Variants in SUPT3H observed in about 807,000 individuals in gnomAD.
The protein encoded by SUPT3H is transcription initiation protein SPT3 homolog.
Under a neutral mutation model 44.3 loss-of-function variants are expected in SUPT3H, and 44 were observed. The ratio of observed to expected loss-of-function variants is 0.99; its 90% confidence interval spans 0.78 to 1.28. The LOEUF (loss-of-function observed/expected upper bound fraction) is 1.28, where lower values mean the gene tolerates loss of function less well. Among genes scored for constraint, SUPT3H ranks in the 50% most tolerant of loss-of-function variants. The probability of loss-of-function intolerance (pLI) is 0.00; values close to 1 mark genes in which losing one functional copy is unlikely to be tolerated. For missense variants in SUPT3H, 380 were observed against 387.1 expected (o/e 0.98, Z 0.15); for synonymous variants, 124 against 125.6 (o/e 0.99, Z 0.09).
intron 10 of SUPT3H, among the ~76,000 whole-genome samples, chr6:44,864,750 A>G (rs564632411): frequency 6.6e-6 from 1 of 152,184 alleles, no homozygotes; most frequent in African/African-American, 2.4e-5. Context: ...CCAGCCCACA[A>G]AAAAAACACT....
rs560483819 is a variant in SUPT3H, at chr6:45,219,953, C to T, written c.102-113947G>A. ...ATTTGGGAGGCTGACGCAGGAGAAT[C>T]GCTTGAACCTGGGAGGCAGAGGTTT... is the stretch of plus-strand genomic sequence containing the variant. On this transcript the variant is annotated intron_variant, in intron 2 of 10. Coordinates refer to ENST00000371459, the MANE Select transcript of SUPT3H (RefSeq NM_003599.4). 3.2e-4 allele frequency among the ~76,000 whole-genome samples: 45 copies of T among 142,700 alleles called. No individual in the cohort carries two copies. The South Asian group carries it at 4.0e-3, about 13-fold the overall frequency. 93.6% of individuals were successfully genotyped at this position (142,700 alleles called of 152,430 possible).
chr6:45,353,112 T>C (rs116618716), intron 2 of SUPT3H, among the ~76,000 whole-genome samples: 3,088 of 152,212 alleles, frequency 0.02, 43 homozygotes, highest in Non-Finnish European at 0.032. Context: ...TTCTCTCCAG[T>C]GTTGTTTCAA....
Position 45,197,256 on chromosome 6 carries a change from GA to G in SUPT3H, c.102-91251del, listed in dbSNP as rs559139379. On this transcript the variant is annotated intron_variant, in intron 2 of 10. Coordinates refer to ENST00000371459, the MANE Select transcript of SUPT3H (RefSeq NM_003599.4). Reference sequence around the variant, plus strand: ...GAACAAATAATCAAGTAAATGGAGAGAAAATGTCACTTGATCATTTCAGATT... The same window carrying G: ...GAACAAATAATCAAGTAAATGGAGAGAAATGTCACTTGATCATTTCAGATT... Among the ~76,000 whole-genome samples, 1,372 of 151,664 alleles carry G rather than the reference GA, an allele frequency of 9.0e-3. 15 individuals carry two copies. Among genetic ancestry groups the G allele is most frequent in the South Asian group, 0.028 (136 of 4,822 alleles).
chr6:45,372,509 T>A (rs1362750663), intron 1 of SUPT3H, among the ~76,000 whole-genome samples: 1 of 152,226 alleles, frequency 6.6e-6, no homozygotes, highest in Non-Finnish European at 1.5e-5. Context: ...AGCATTTAAA[T>A]CAGCAAAAGT....
chr6:44,816,136 G>GA (rs1766896634), intron 11 of SUPT3H, among the ~76,000 whole-genome samples: 1 of 152,026 alleles, frequency 6.6e-6, no homozygotes, highest in African/African-American at 2.4e-5. Flanking sequence ...GAGTCAAAGA[G>GA]AAAATCAGAA....
At chr6:45,337,777 ATT>A (rs1204239473) in intron 2 of SUPT3H, among the ~76,000 whole-genome samples, 1 of 151,962 alleles carries the variant, frequency 6.6e-6, no homozygotes, top group African/African-American at 2.4e-5. Context: ...TGTTATGTTT[ATT>A]TTTGTTTATT....
intron 2 of SUPT3H, among the ~76,000 whole-genome samples, chr6:45,115,264 G>A (rs1047205246): frequency 2.0e-5 from 3 of 152,098 alleles, no homozygotes; most frequent in Admixed American, 6.5e-5. Context: ...TACTTGGTAT[G>A]AGATAGTCAC....
Position 45,330,343 on chromosome 6 carries a change from C to G in SUPT3H, c.101+34858G>C, listed in dbSNP as rs73735373. Among the ~76,000 whole-genome samples the G allele has an allele frequency of 3.9e-3, 595 of 151,926 alleles. 7 individuals are homozygous for G. Among genetic ancestry groups the G allele is most frequent in the African/African-American group, 0.014 (567 of 41,450 alleles). ...AGCTTATACATCGAAAGTTTTGTTA[C>G]TACTACCCAAGAGATAAAAGGAAAA... On this transcript the variant is annotated intron_variant, in intron 2 of 10. Coordinates refer to ENST00000371459, the MANE Select transcript of SUPT3H (RefSeq NM_003599.4).
At chr6:44,912,973 C>T (rs1351625015) in intron 10 of SUPT3H, among the ~76,000 whole-genome samples, 1 of 152,164 alleles carries the variant, frequency 6.6e-6, no homozygotes, top group African/African-American at 2.4e-5. Flanking sequence ...AAAATGCCTT[C>T]TTCCCAAGAA....
chr6:45,301,690 A>G (rs1401648618), intron 2 of SUPT3H, among the ~76,000 whole-genome samples: 1 of 152,196 alleles, frequency 6.6e-6, no homozygotes, highest in African/African-American at 2.4e-5. Context: ...TAACATTGTC[A>G]AATACTTGAA....
intron 3 of SUPT3H, among the ~76,000 whole-genome samples, chr6:45,085,346 C>T (rs1308496863): frequency 1.3e-5 from 2 of 152,076 alleles, no homozygotes; most frequent in Non-Finnish European, 2.9e-5. Flanking sequence ...TTTTATTCAA[C>T]ATAAATGTGT....
intron 3 of SUPT3H, among the ~76,000 whole-genome samples, chr6:45,048,767 G>A (rs1789820797): frequency 6.8e-6 from 1 of 146,870 alleles, no homozygotes; most frequent in African/African-American, 2.5e-5. Context: ...AGGATATTAT[G>A]TTAAGTGAAA....
At chr6:45,091,444 A>G (rs1797106847) in intron 3 of SUPT3H, among the ~76,000 whole-genome samples, 2 of 152,086 alleles carry the variant, frequency 1.3e-5, no homozygotes, top group Admixed American at 1.3e-4. Flanking sequence ...TTACAGACAT[A>G]TAGTAAATTC....
At chr6:45,230,176 C>T (rs1329965522) in intron 2 of SUPT3H, among the ~76,000 whole-genome samples, 3 of 152,216 alleles carry the variant, frequency 2.0e-5, no homozygotes, top group Non-Finnish European at 4.4e-5. Flanking sequence ...GATAAAATGA[C>T]TTCCAGTTGC....
intron 2 of SUPT3H, among the ~76,000 whole-genome samples, chr6:45,243,197 CAAAA>C (rs61643038): frequency 1.4e-5 from 1 of 72,562 alleles, no homozygotes; most frequent in Non-Finnish European, 2.2e-5. Flanking sequence ...GACTCCTTCT[CAAAA>C]AAAAAAAAAA....
chr6:44,901,234 G>A (rs1432716612), intron 10 of SUPT3H, among the ~76,000 whole-genome samples: 3 of 152,144 alleles, frequency 2.0e-5, no homozygotes, highest in Admixed American at 1.3e-4. Flanking sequence ...CGAGCTAAAG[G>A]AGGAAGTTCG....
At chr6:45,290,455 TCA>T (rs1780128337) in intron 2 of SUPT3H, among the ~76,000 whole-genome samples, 4 of 85,932 alleles carry the variant, frequency 4.7e-5, no homozygotes, top group Non-Finnish European at 6.7e-5. Flanking sequence ...GCATGGATGA[TCA>T]AAAAAAAAAA....
intron 10 of SUPT3H, among the ~76,000 whole-genome samples, chr6:44,883,444 T>C (rs2153435979): frequency 6.6e-6 from 1 of 152,266 alleles, no homozygotes; most frequent in South Asian, 2.1e-4. Flanking sequence ...AAAATGGCCA[T>C]ACTGCCCCAA....
intron 10 of SUPT3H, among the ~76,000 whole-genome samples, chr6:44,866,632 T>C (rs905997581): frequency 3.3e-5 from 5 of 152,224 alleles, no homozygotes; most frequent in Admixed American, 1.3e-4. Flanking sequence ...GTTTGGTCTT[T>C]TTCTGCAGCA....
Sources: gnomAD v4.1 joint callset for allele counts (sites outside exome capture counted in the v4.1 genomes callset) on GRCh38, gnomAD v4.1.1 for gene constraint, MANE v1.5 for transcripts, NCBI Gene and HGNC (gene_info 2026-07-23, HGNC 2026-07-21) for gene names.